The following PISD variants were observed in gnomAD, a reference collection of about 807,000 sequenced individuals.
PISD encodes phosphatidylserine decarboxylase.
Under a neutral mutation model 43.5 loss-of-function variants are expected in PISD, and 31 were observed. That is an observed-to-expected ratio of 0.71 (90% CI 0.54 to 0.96). The LOEUF (loss-of-function observed/expected upper bound fraction) is 0.96, where lower values mean the gene tolerates loss of function less well. Ranked by LOEUF, PISD falls within the 40% of genes least tolerant of loss-of-function variation. The probability of loss-of-function intolerance (pLI) is 0.00; values close to 1 mark genes in which losing one functional copy is unlikely to be tolerated. For synonymous variants in PISD, 259 were observed against 228.7 expected (o/e 1.13, Z -1.20); for missense variants, 523 against 548.4 (o/e 0.95, Z 0.46).
chr22:31,622,688 T>C (rs1395206194), intron 3 of PISD, among the ~76,000 whole-genome samples: 1 of 152,202 alleles, frequency 6.6e-6, no homozygotes, highest in Non-Finnish European at 1.5e-5. Context: ...TGTTCTCTCT[T>C]CCTTCAGGGA....
chr22:31,651,213 C>T (rs1334706719), intron 1 of PISD, among the ~76,000 whole-genome samples: 2 of 151,842 alleles, frequency 1.3e-5, no homozygotes, highest in African/African-American at 4.9e-5. Context: ...ATCCACCAGC[C>T]TCAGCCTCCC....
At chr22:31,633,167 C>A (rs2073277984) in intron 3 of PISD, among the ~76,000 whole-genome samples, 1 of 151,958 alleles carries the variant, frequency 6.6e-6, no homozygotes, top group Non-Finnish European at 1.5e-5. Flanking sequence ...CCATCCTGGC[C>A]TCCTCAAAGC....
At chr22:31,662,306 C>T (rs567915164), upstream of PISD, 3 of 1,293,814 alleles carry the variant, frequency 2.3e-6, no homozygotes, top group Admixed American at 3.4e-5. Context: ...ATGAGAAAAG[C>T]GCGGGTTGGG....
intron 6 of PISD, 127 bp from the exon 7 acceptor site, chr22:31,620,840 C>T (rs113468712): frequency 9.4e-6 from 13 of 1,381,494 alleles, no homozygotes; most frequent in African/African-American, 5.8e-5. Context: ...GCTGACTGGG[C>T]CCCACGGTCC....
Position 31,618,565 on chromosome 22 carries a change from C to A in PISD, c.*1047G>T. On this transcript the variant is annotated 3_prime_UTR_variant, in exon 8 of 8. Transcript: ENST00000439502. ...TACTGTTCAGAAGTCTCCCACTTTT[C>A]ATACAAAAATACTGTGCTACTGATA... 1 of 810,580 alleles carries A rather than the reference C, an allele frequency of 1.2e-6. No homozygotes were observed. Among genetic ancestry groups the A allele is most frequent in the Non-Finnish European group, 1.8e-6 (1 of 563,376 alleles). 50.2% of individuals were successfully genotyped at this position (810,580 alleles called of 1,614,324 possible).
chr22:31,660,364 T>A (rs1053523613), intron 1 of PISD, among the ~76,000 whole-genome samples: 6 of 152,138 alleles, frequency 3.9e-5, no homozygotes, highest in Admixed American at 3.9e-4. Context: ...TTAAAAAAAT[T>A]ATTTTAGGTG....
chr22:31,653,013 T>A (rs2074070944), intron 1 of PISD, among the ~76,000 whole-genome samples: 1 of 141,276 alleles, frequency 7.1e-6, no homozygotes, highest in Non-Finnish European at 1.5e-5. Context: ...TACTCCAGGC[T>A]GGGTGACAGA....
At chr22:31,625,787 C>T (rs768929296) in intron 3 of PISD, 13 of 1,597,812 alleles carry the variant, frequency 8.1e-6, no homozygotes, top group Non-Finnish European at 1.0e-5. Flanking sequence ...GAGCTCTGGT[C>T]CTTGCCGCGC....
intron 1 of PISD, among the ~76,000 whole-genome samples, chr22:31,655,316 CTT>C (rs58895520): frequency 1.1e-4 from 16 of 145,122 alleles, no homozygotes; most frequent in African/African-American, 1.5e-4. Flanking sequence ...GTACAACCCC[CTT>C]TTTTTTTTTT....
intron 3 of PISD, among the ~76,000 whole-genome samples, chr22:31,640,567 GTTTGGT>G (rs1262891621): frequency 7.9e-6 from 1 of 126,332 alleles, no homozygotes; most frequent in Non-Finnish European, 1.6e-5. Context: ...TTTTGTTTCG[GTTTGGT>G]TGTTTTTTTT....
In PISD at chr22:31,630,849, C is replaced by G. The variant is rs1007717899; in HGVS notation, c.322-8964G>C. The G allele has an allele frequency of 2.3e-5, 23 of 985,350 alleles. 1 individual carries two copies. The highest frequency in any genetic ancestry group is 1.0e-3 in the Middle Eastern group (2 of 1,936). 61.0% of individuals were successfully genotyped at this position (985,350 alleles called of 1,614,324 possible). A position where few individuals can be genotyped will look rare whatever the true frequency, so the allele number is the denominator to read the frequency against. On this transcript the variant is annotated intron_variant, in intron 3 of 7. Transcript: ENST00000439502. This position sits in a 1 kb window ranked among gnomAD's most constrained non-coding sequence, Gnocchi z 4.4. ...CGGGCTCCGACTCCCTAGGGGCGCT[C>G]CCGGAGCCGGGAAGCCTTGGGGCGA...
chr22:31,637,191 ATATATATATATATATAG>A, intron 3 of PISD, among the ~76,000 whole-genome samples: 1 of 101,132 alleles, frequency 9.9e-6, no homozygotes, highest in African/African-American at 4.0e-5. Context: ...ATATATATAT[ATATATATATATATATAG>A]AAAAATTAGC....
rs977420574 is a variant in PISD, at chr22:31,630,623, T to C, written c.322-8738A>G. 1.5e-6 allele frequency: 1 copy of C among 671,618 alleles called. No homozygotes were observed. Among genetic ancestry groups the C allele is most frequent in the Non-Finnish European group, 1.8e-6 (1 of 543,284 alleles). 41.6% of individuals were successfully genotyped at this position (671,618 alleles called of 1,614,324 possible). A position where few individuals can be genotyped will look rare whatever the true frequency, so the allele number is the denominator to read the frequency against. ...AAAGCCCACGACTCGCTCAACCTTG[T>C]CCGCGGGGCTCCTCAGGCCGGGGCC... On this transcript the variant is annotated intron_variant, in intron 3 of 7. Transcript: ENST00000439502. The surrounding 1 kb of genome is among the most constrained non-coding windows in gnomAD (Gnocchi z 4.4).
chr22:31,627,404 C>T (rs753521427), intron 3 of PISD, among the ~76,000 whole-genome samples: 2 of 152,268 alleles, frequency 1.3e-5, no homozygotes, highest in Non-Finnish European at 2.9e-5. Context: ...GCCCCAGTGT[C>T]CAGGCCTCCA....
Position 31,618,735 on chromosome 22 carries a change from G to A in PISD, c.*877C>T, listed in dbSNP as rs901170573. 4 of 252,358 alleles carry A rather than the reference G, an allele frequency of 1.6e-5. No individual in the cohort carries two copies. Among genetic ancestry groups the A allele is most frequent in the Non-Finnish European group, 3.0e-5 (4 of 132,892 alleles). 15.6% of individuals were successfully genotyped at this position (252,358 alleles called of 1,614,324 possible). A position where few individuals can be genotyped will look rare whatever the true frequency, so the allele number is the denominator to read the frequency against. The stretch of plus-strand genomic sequence containing the variant: ...AACTGGGACAGGTTTTCCAGGCACT[G>A]ACCAACTATCCACCAAGGGTCCTCT... On this transcript the variant is annotated 3_prime_UTR_variant, in exon 8 of 8. Transcript: ENST00000439502.
chr22:31,629,057 G>A, intron 3 of PISD: 11 of 985,468 alleles, frequency 1.1e-5, no homozygotes, highest in South Asian at 9.4e-5. Context: ...TGCTGTTTTG[G>A]GGATCCATAC....
At chr22:31,621,992 C>G in intron 3 of PISD, 107 bp from the exon 4 acceptor site, 1 of 837,068 alleles carries the variant, frequency 1.2e-6, no homozygotes, top group Non-Finnish European at 2.0e-6. Context: ...ATCTGCACCC[C>G]ACGGAGGACA....
intron 3 of PISD, chr22:31,628,084 A>G: frequency 1.0e-6 from 1 of 985,446 alleles, no homozygotes; most frequent in Non-Finnish European, 1.2e-6. Context: ...CTTCTAAAAC[A>G]AGCGCCGAGA....
chr22:31,655,307 T>C (rs1475938345), intron 1 of PISD, among the ~76,000 whole-genome samples: 3 of 147,234 alleles, frequency 2.0e-5, no homozygotes, highest in African/African-American at 2.6e-5. Context: ...GCCACTCAGG[T>C]ACAACCCCCT....
Sources: gnomAD v4.1 joint callset for allele counts (sites outside exome capture counted in the v4.1 genomes callset) on GRCh38, gnomAD v4.1.1 for gene constraint, Gnocchi (gnomAD v3.1) non-coding constraint, MANE v1.5 for transcripts, NCBI Gene and HGNC (gene_info 2026-07-23, HGNC 2026-07-21) for gene names.